PREX2: variants seen among roughly 807,000 people sequenced by gnomAD.
The protein encoded by PREX2 is phosphatidylinositol-3,4,5-trisphosphate dependent Rac exchange factor 2, also known as phosphatidylinositol 3,4,5-trisphosphate-dependent Rac exchanger 2 protein.
Under a neutral mutation model 203.2 loss-of-function variants are expected in PREX2, and 107 were observed. That is an observed-to-expected ratio of 0.53 (90% CI 0.45 to 0.62). The LOEUF (loss-of-function observed/expected upper bound fraction) is 0.62. Among genes scored for constraint, PREX2 ranks in the 20% least tolerant of loss-of-function variants. The probability of loss-of-function intolerance (pLI) is 0.00; values close to 1 mark genes in which losing one functional copy is unlikely to be tolerated. For missense variants in PREX2, 1,777 were observed against 1,955.9 expected (o/e 0.91, Z 1.72); for synonymous variants, 672 against 663.6 (o/e 1.01, Z -0.19).
chr8:68,006,917 C>G (rs1807114254), intron 1 of PREX2, among the ~76,000 whole-genome samples: 1 of 152,150 alleles, frequency 6.6e-6, no homozygotes, highest in Non-Finnish European at 1.5e-5. Flanking sequence ...TATAGACAGA[C>G]ACTATATTTT....
chr8:68,138,616 A>G, intron 33 of PREX2, 99 bp downstream of exon 33: 1 of 534,108 alleles, frequency 1.9e-6, no homozygotes, highest in Admixed American at 3.6e-5. Flanking sequence ...TATGAACTGA[A>G]TGATTGAAAT....
chr8:67,963,532 C>G (rs1805689447), intron 1 of PREX2, among the ~76,000 whole-genome samples: 1 of 151,966 alleles, frequency 6.6e-6, no homozygotes. Context: ...CTGTCTTTGT[C>G]TAATATTTTT....
chr8:68,147,190 T>C (rs542449931), intron 34 of PREX2, among the ~76,000 whole-genome samples: 1 of 152,350 alleles, frequency 6.6e-6, no homozygotes, highest in South Asian at 2.1e-4. Flanking sequence ...TTGGTTTTGC[T>C]GTGGAATTTC....
intron 31 of PREX2, among the ~76,000 whole-genome samples, chr8:68,129,742 A>C (rs968694008): frequency 2.6e-5 from 4 of 152,156 alleles, no homozygotes; most frequent in Non-Finnish European, 5.9e-5. Context: ...AGATGAGTTT[A>C]AATAGGTGCT....
At chr8:68,142,300 A>G (rs747567220) in intron 33 of PREX2, among the ~76,000 whole-genome samples, 1 of 151,330 alleles carries the variant, frequency 6.6e-6, no homozygotes, top group African/African-American at 2.4e-5. Flanking sequence ...CCTCCCTCCC[A>G]CTCTGCACCC....
At chr8:68,207,828 T>A (rs913594099) in intron 37 of PREX2, among the ~76,000 whole-genome samples, 3 of 152,034 alleles carry the variant, frequency 2.0e-5, no homozygotes, top group African/African-American at 4.8e-5. Flanking sequence ...ATGTTCTTAA[T>A]CCCTACACCT....
chr8:68,025,316 AT>A (rs1807687452), intron 4 of PREX2, among the ~76,000 whole-genome samples: 1 of 151,832 alleles, frequency 6.6e-6, no homozygotes, highest in Admixed American at 6.6e-5. Context: ...CGCTTTGAAT[AT>A]GTCATTCTAC....
rs760811680 is a variant in PREX2 at position 67,987,955 on chromosome 8, C to T, written c.142-29891C>T. Reference sequence around the variant, plus strand: ...TGTGTGTGAACACACATGCAATACACGCAGTGTCTTTGCAGTCCCCATAGG... The same window carrying T: ...TGTGTGTGAACACACATGCAATACATGCAGTGTCTTTGCAGTCCCCATAGG... On this transcript the variant is annotated intron_variant, in intron 1 of 39. Transcript: ENST00000288368. Among the ~76,000 whole-genome samples the T allele has an allele frequency of 8.1e-5, 12 of 148,656 alleles. No individual in the cohort carries two copies. The East Asian group carries it at 1.6e-3, about 20-fold the overall frequency.
At chr8:67,979,655 A>G (rs1122053) in intron 1 of PREX2, among the ~76,000 whole-genome samples, 33,682 of 152,222 alleles carry the variant, frequency 0.22, 4,812 homozygotes, top group East Asian at 0.54. Flanking sequence ...CTGAAGAATC[A>G]GGACATATAA....
intron 6 of PREX2, among the ~76,000 whole-genome samples, chr8:68,032,560 A>G (rs1807914836): frequency 6.6e-6 from 1 of 152,110 alleles, no homozygotes; most frequent in Admixed American, 6.6e-5. Flanking sequence ...GTCCCAGCCC[A>G]CCACCCCATC....
intron 37 of PREX2, among the ~76,000 whole-genome samples, chr8:68,195,434 T>G (rs141891672): frequency 6.6e-6 from 1 of 152,380 alleles, no homozygotes; most frequent in East Asian, 1.9e-4. Context: ...GAAAATTGTA[T>G]AGTTTTATTT....
intron 35 of PREX2, among the ~76,000 whole-genome samples, chr8:68,163,209 G>T (rs895421567): frequency 2.6e-5 from 4 of 152,144 alleles, no homozygotes. Flanking sequence ...TATAGGTTTA[G>T]TTTTAAAACT....
At chr8:67,977,406 C>T (rs1806140425) in intron 1 of PREX2, among the ~76,000 whole-genome samples, 1 of 152,212 alleles carries the variant, frequency 6.6e-6, no homozygotes, top group African/African-American at 2.4e-5. Flanking sequence ...AAACAACATA[C>T]AGGAACATGT....
At chr8:68,158,337 T>C (rs1378590213) in intron 35 of PREX2, among the ~76,000 whole-genome samples, 1 of 152,172 alleles carries the variant, frequency 6.6e-6, no homozygotes, top group East Asian at 1.9e-4. Context: ...TTTTGTCCTG[T>C]CAACTTAAAA....
intron 39 of PREX2, among the ~76,000 whole-genome samples, chr8:68,229,584 A>G (rs1222353929): frequency 2.0e-5 from 3 of 152,218 alleles, no homozygotes; most frequent in Admixed American, 2.0e-4. Flanking sequence ...CTACTATTTC[A>G]TTAGGTGATC....
intron 35 of PREX2, among the ~76,000 whole-genome samples, chr8:68,175,679 T>C (rs1373826154): frequency 6.6e-6 from 1 of 152,134 alleles, no homozygotes; most frequent in Non-Finnish European, 1.5e-5. Flanking sequence ...GCTCTCATAA[T>C]GAATGTTCCT....
chr8:68,010,483 G>A (rs1807226949), intron 1 of PREX2, among the ~76,000 whole-genome samples: 1 of 152,178 alleles, frequency 6.6e-6, no homozygotes, highest in South Asian at 2.1e-4. Flanking sequence ...ACTAGGCTGT[G>A]GATGTAGTAA....
chr8:68,113,302 G>A (rs1441311924), intron 25 of PREX2, among the ~76,000 whole-genome samples: 1 of 152,136 alleles, frequency 6.6e-6, no homozygotes, highest in Non-Finnish European at 1.5e-5. Flanking sequence ...AAAAAATTAT[G>A]CTTAGCCCCA....
chr8:68,174,027 T>G (rs1180959060), intron 35 of PREX2, among the ~76,000 whole-genome samples: 1 of 152,210 alleles, frequency 6.6e-6, no homozygotes, highest in South Asian at 2.1e-4. Flanking sequence ...TTCTATCTGA[T>G]CACAAGGACA....
Sources: allele counts gnomAD v4.1 joint callset (sites outside exome capture counted in the v4.1 genomes callset), GRCh38; gene constraint gnomAD v4.1.1; transcripts MANE v1.5; gene names NCBI Gene and HGNC (gene_info 2026-07-23, HGNC 2026-07-21).